The following FRYL variants were observed in gnomAD, a reference collection of about 807,000 sequenced individuals.
The protein encoded by FRYL is protein furry homolog-like.
A neutral mutation model predicts 351.2 loss-of-function variants in FRYL; 150 were observed. The ratio of observed to expected loss-of-function variants is 0.43; its 90% CI spans 0.37 to 0.49. FRYL has a LOEUF of 0.49. Among genes scored for constraint, FRYL ranks in the 20% least tolerant of loss-of-function variants. The pLI is 0.00. For synonymous variants in FRYL, 1,153 were observed against 1,257.1 expected (o/e 0.92, Z 1.75); for missense variants, 3,036 against 3,619.3 (o/e 0.84, Z 4.13).
At position 48,579,140 on chromosome 4, in the gene FRYL, A is replaced by G. The variant is rs780320684; in HGVS notation, c.2361T>C (p.His787=). The change falls in exon 23 of 64, where the codon CAT becomes CAC. Residue 787 remains histidine (H), a synonymous_variant. Coordinates refer to ENST00000358350, the MANE Select transcript of FRYL (RefSeq NM_015030.2). ...GGGTCACATGTGCAAATATCCATATATGTGATGGACTAATCACATCAAACT... is the reference window on the plus strand; with the variant it reads ...GGGTCACATGTGCAAATATCCATATGTGTGATGGACTAATCACATCAAACT... ...SHQFDVISPS[H]IWIFAHVTQG... 1.2e-6 allele frequency: 2 copies of G among 1,613,936 alleles called. No individual in the cohort carries two copies. Among genetic ancestry groups the G allele is most frequent in the South Asian group, 2.2e-5 (2 of 91,082 alleles).
intron 41 of FRYL, 46 bp downstream of exon 41, chr4:48,547,538 A>AAT (rs969002886): frequency 8.9e-7 from 1 of 1,117,576 alleles, no homozygotes; most frequent in Non-Finnish European, 1.2e-6. Flanking sequence ...ATTCCAAATT[A>AAT]ATAAAGTATA....
intron 50 of FRYL, among the ~76,000 whole-genome samples, 156 bp downstream of exon 50, chr4:48,531,000 G>A (rs1727460819): frequency 6.6e-6 from 1 of 152,132 alleles, no homozygotes; most frequent in Non-Finnish European, 1.5e-5. Context: ...TCTAACAGCA[G>A]GCCTTCTCCC....
At chr4:48,542,390 C>T (rs538858625) in intron 44 of FRYL, among the ~76,000 whole-genome samples, 57 of 152,122 alleles carry the variant, frequency 3.7e-4, no homozygotes, top group Non-Finnish European at 7.6e-4. Flanking sequence ...ACTGAATCCA[C>T]CAGCAAGTCT....
intron 3 of FRYL, among the ~76,000 whole-genome samples, chr4:48,673,325 C>T (rs1249194579): frequency 6.6e-6 from 1 of 151,860 alleles, no homozygotes; most frequent in Admixed American, 6.6e-5. Context: ...CAAATGAAAG[C>T]ACCAAAAAAG....
chr4:48,776,124 G>A (rs1319954832), intron 1 of FRYL, among the ~76,000 whole-genome samples: 1 of 148,818 alleles, frequency 6.7e-6, no homozygotes, highest in Non-Finnish European at 1.5e-5. Context: ...AATGTGATAG[G>A]AGCAGTGTTA....
chr4:48,519,566 G>A (rs1724439539), intron 55 of FRYL, among the ~76,000 whole-genome samples: 2 of 150,846 alleles, frequency 1.3e-5, no homozygotes, highest in Non-Finnish European at 2.9e-5. Context: ...GCAGTGGCGC[G>A]ATCTCGGCTC....
chr4:48,550,973 G>T (rs900468659), intron 37 of FRYL, among the ~76,000 whole-genome samples: 1 of 151,932 alleles, frequency 6.6e-6, no homozygotes, highest in Non-Finnish European at 1.5e-5. Context: ...TCCGGAGGCT[G>T]AGGCAGGAGA....
intron 2 of FRYL, among the ~76,000 whole-genome samples, chr4:48,687,937 C>T (rs1195139061): frequency 2.0e-5 from 3 of 152,028 alleles, no homozygotes; most frequent in Admixed American, 6.6e-5. Flanking sequence ...GGTCCCTGCT[C>T]CGTGAGTCTT....
intron 2 of FRYL, among the ~76,000 whole-genome samples, chr4:48,706,317 G>A (rs1767340510): frequency 1.3e-5 from 2 of 152,118 alleles, no homozygotes; most frequent in Admixed American, 1.3e-4. Flanking sequence ...CCTTAAAAAA[G>A]AATGAAATTC....
intron 7 of FRYL, among the ~76,000 whole-genome samples, chr4:48,616,094 G>C (rs942281628): frequency 6.6e-6 from 1 of 152,056 alleles, no homozygotes. Flanking sequence ...GGGAGGGACG[G>C]CATTAGGAGA....
chr4:48,512,405 T>C (rs746344275), intron 57 of FRYL, 76 bp downstream of exon 57: 42 of 1,191,338 alleles, frequency 3.5e-5, no homozygotes, highest in Non-Finnish European at 5.0e-5. Flanking sequence ...AAATCGGAGA[T>C]GCTGATTTTA....
chr4:48,719,775 G>C (rs1769255512), intron 1 of FRYL, among the ~76,000 whole-genome samples: 1 of 151,534 alleles, frequency 6.6e-6, no homozygotes, highest in African/African-American at 2.4e-5. Context: ...TCCTGATTTT[G>C]TCAGGAACAA....
At chr4:48,741,687 C>A (rs938740887) in intron 1 of FRYL, among the ~76,000 whole-genome samples, 8 of 151,936 alleles carry the variant, frequency 5.3e-5, no homozygotes, top group Non-Finnish European at 7.4e-5. Flanking sequence ...CAGAGCAAGA[C>A]CCTCTCTCAA....
Position 48,700,475 on chromosome 4 carries a change from A to G in FRYL, c.-204+10044T>C, listed in dbSNP as rs181834442. ...CCTGTCAAACCATGAGCTACAATGA[A>G]TATTTTTGCTTTTATAGATTCTCAG... is the stretch of plus-strand genomic sequence containing the variant. On this transcript the variant is annotated intron_variant, in intron 2 of 63. Coordinates refer to ENST00000358350, the MANE Select transcript of FRYL (RefSeq NM_015030.2). Among the ~76,000 whole-genome samples the G allele has an allele frequency of 1.5e-4, 23 of 152,300 alleles. No individual in the cohort carries two copies. The East Asian group carries it at 4.4e-3, about 29-fold the overall frequency.
At chr4:48,515,771 T>C (rs1159149254) in intron 55 of FRYL, among the ~76,000 whole-genome samples, 4 of 152,320 alleles carry the variant, frequency 2.6e-5, no homozygotes, top group Non-Finnish European at 4.4e-5. Flanking sequence ...TATAGAAACA[T>C]TGAGGACTTT....
chr4:48,711,167 T>C (rs1421474332), intron 1 of FRYL, among the ~76,000 whole-genome samples: 1 of 152,176 alleles, frequency 6.6e-6, no homozygotes, highest in Non-Finnish European at 1.5e-5. Context: ...TGCATTTCCA[T>C]CTGAGGTACT....
intron 55 of FRYL, among the ~76,000 whole-genome samples, chr4:48,519,525 A>G (rs1724425036): frequency 6.8e-6 from 1 of 146,014 alleles, no homozygotes; most frequent in African/African-American, 2.6e-5. Flanking sequence ...TATTTTTGAG[A>G]TGGAGTCTCA....
intron 3 of FRYL, among the ~76,000 whole-genome samples, chr4:48,643,838 T>C (rs1252145339): frequency 2.0e-5 from 3 of 152,090 alleles, no homozygotes; most frequent in African/African-American, 7.2e-5. Flanking sequence ...TAAAAGAAGA[T>C]ATAAAAGAAG....
Position 48,728,496 on chromosome 4 carries a change from A to G in FRYL, c.-383-17798T>C, listed in dbSNP as rs1770334710. On this transcript the variant is annotated intron_variant, in intron 1 of 63. Transcript: ENST00000358350. ...ATGACTGAGAATTTCCCCCAAATTA[A>G]TGTCAGATATCAAACCAGATACCCA... 1.3e-5 allele frequency among the ~76,000 whole-genome samples: 2 copies of G among 152,060 alleles called. 1 individual carries two copies. The highest frequency in any genetic ancestry group is 4.1e-4 in the South Asian group (2 of 4,826).
Sources: gnomAD v4.1 joint callset for allele counts (sites outside exome capture counted in the v4.1 genomes callset) on GRCh38, gnomAD v4.1.1 for gene constraint, MANE v1.5 for transcripts, NCBI Gene and HGNC (gene_info 2026-07-23, HGNC 2026-07-21) for gene names.